Variants in FPR3 observed in about 807,000 individuals in gnomAD.
FPR3 encodes the protein formyl peptide receptor 3.
For synonymous variants in FPR3, 135 were observed against 163.6 expected (o/e 0.83, Z 1.34); for missense variants, 346 against 443.2 (o/e 0.78, Z 1.97).
Position 51,824,807 on chromosome 19 carries a change from G to A in FPR3, c.1059G>A (p.Met353Ile), listed in dbSNP as rs2084220090. The A allele has an allele frequency of 2.5e-6, 4 of 1,603,962 alleles. No homozygotes were observed. In the East Asian group the frequency reaches 6.7e-5, roughly 27 times the overall value. ...CTGAGGAGACGGAGTTACAAGCAAT[G>A]TGAGGTCGGGGATATTTTTGGGCTC... ...SPPEETELQA[M>I] The change falls in exon 2 of 2, where the codon ATG becomes ATA. Residue 353 changes from methionine (M) to isoleucine (I), a missense_variant. Coordinates refer to ENST00000339223, the MANE Select transcript of FPR3 (RefSeq NM_002030.5). This position sits in a 1 kb window ranked among gnomAD's most constrained non-coding sequence, Gnocchi z 4.7.
chr19:51,815,040 C>T (rs2084125164), intron 1 of FPR3, among the ~76,000 whole-genome samples: 1 of 149,636 alleles, frequency 6.7e-6, no homozygotes. Flanking sequence ...GAACTCCCGA[C>T]CTCAAATGAT....
chr19:51,821,503 T>C (rs2084189382), intron 1 of FPR3, among the ~76,000 whole-genome samples: 1 of 152,118 alleles, frequency 6.6e-6, no homozygotes, highest in African/African-American at 2.4e-5. Flanking sequence ...GCCCCAATTG[T>C]CTGTAGTGCC....
chr19:51,802,329 G>C (rs1254797057), intron 1 of FPR3, among the ~76,000 whole-genome samples: 1 of 152,174 alleles, frequency 6.6e-6, no homozygotes, highest in East Asian at 1.9e-4. Flanking sequence ...ACCTCCTGCA[G>C]AGGTAGAGGT....
At chr19:51,815,694 C>A (rs2084130302) in intron 1 of FPR3, among the ~76,000 whole-genome samples, 1 of 151,240 alleles carries the variant, frequency 6.6e-6, no homozygotes, top group Non-Finnish European at 1.5e-5. Flanking sequence ...CATGGCGAAA[C>A]CCTGTTTGTA....
intron 1 of FPR3, among the ~76,000 whole-genome samples, chr19:51,808,242 T>C (rs8111509): frequency 0.25 from 37,865 of 152,086 alleles, 5,071 homozygotes; most frequent in South Asian, 0.39. Flanking sequence ...CTGCTGAAAA[T>C]CATTTAAAGT....
intron 1 of FPR3, among the ~76,000 whole-genome samples, chr19:51,805,530 A>G (rs1025894226): frequency 6.6e-6 from 1 of 152,224 alleles, no homozygotes; most frequent in Non-Finnish European, 1.5e-5. Flanking sequence ...GTTATATTCT[A>G]AGTTGGTTAC....
At chr19:51,797,284 G>A (rs10405737) in intron 1 of FPR3, among the ~76,000 whole-genome samples, 2,405 of 149,364 alleles carry the variant, frequency 0.016, 70 homozygotes, top group African/African-American at 0.055. Flanking sequence ...GGCGAAGAAG[G>A]AAAAGGAAGA....
At chr19:51,818,736 AC>A (rs2084164125) in intron 1 of FPR3, among the ~76,000 whole-genome samples, 1 of 152,230 alleles carries the variant, frequency 6.6e-6, no homozygotes, top group Non-Finnish European at 1.5e-5. Flanking sequence ...CAAGGAGTCC[AC>A]CATGGGTCCA....
chr19:51,804,762 C>G (rs939877583), intron 1 of FPR3: 6 of 152,076 alleles, frequency 3.9e-5, no homozygotes, highest in South Asian at 2.1e-4. Context: ...CCCTGGTGGA[C>G]TGAACAAAGG....
chr19:51,809,576 CT>C, intron 1 of FPR3, among the ~76,000 whole-genome samples: 1 of 152,182 alleles, frequency 6.6e-6, no homozygotes, highest in Non-Finnish European at 1.5e-5. Context: ...ATTGTCCCAG[CT>C]CAAAACCCAA....
At chr19:51,813,793 CAA>C (rs769578067) in intron 1 of FPR3, among the ~76,000 whole-genome samples, 5 of 152,180 alleles carry the variant, frequency 3.3e-5, no homozygotes, top group Admixed American at 6.5e-5. Flanking sequence ...CTCGGCCTCC[CAA>C]AGTGCTGGGA....
intron 1 of FPR3, among the ~76,000 whole-genome samples, chr19:51,815,866 AAAAAAG>A (rs1000508464): frequency 1.6e-4 from 24 of 147,734 alleles, no homozygotes; most frequent in Non-Finnish European, 2.9e-4. Context: ...TGTCTCAAAA[AAAAAAG>A]AAAAAAGAAA....
chr19:51,819,512 T>G (rs2084172308), intron 1 of FPR3, among the ~76,000 whole-genome samples: 1 of 152,086 alleles, frequency 6.6e-6, no homozygotes, highest in African/African-American at 2.4e-5. Flanking sequence ...AAAATGTGTT[T>G]GAAGTAGGAG....
At position 51,813,592 on chromosome 19, in the gene FPR3, G is replaced by A. The variant is rs550577402; in HGVS notation, c.-10-10147G>A. Among the ~76,000 whole-genome samples, 18 of 151,844 alleles carry A rather than the reference G, an allele frequency of 1.2e-4. No homozygotes were observed. The South Asian group carries it at 3.3e-3, about 28-fold the overall frequency. ...GTCACCTAGGCTGGAGTGCAGTGGC[G>A]TGATCTCGGCTCACTGCAAGCTCCA... is the stretch of plus-strand genomic sequence containing the variant. On this transcript the variant is annotated intron_variant, in intron 1 of 1. Transcript: ENST00000339223.
At chr19:51,806,795 G>A (rs2084061975) in intron 1 of FPR3, among the ~76,000 whole-genome samples, 1 of 152,204 alleles carries the variant, frequency 6.6e-6, no homozygotes, top group African/African-American at 2.4e-5. Context: ...CAGCATATGA[G>A]AATAAGTGAA....
intron 1 of FPR3, among the ~76,000 whole-genome samples, chr19:51,797,877 CTTTTTTTTTT>C (rs753127261): frequency 2.8e-5 from 2 of 71,518 alleles, no homozygotes; most frequent in African/African-American, 1.2e-4. Context: ...CATGTCTATT[CTTTTTTTTTT>C]TTTTTTTTTT....
chr19:51,799,133 G>C (rs1418147733), intron 1 of FPR3, among the ~76,000 whole-genome samples: 1 of 152,050 alleles, frequency 6.6e-6, no homozygotes, highest in Non-Finnish European at 1.5e-5. Flanking sequence ...TGAACTTGAA[G>C]TGCGCCACAC....
At chr19:51,806,433 T>A (rs568884546) in intron 1 of FPR3, among the ~76,000 whole-genome samples, 10 of 152,356 alleles carry the variant, frequency 6.6e-5, no homozygotes, top group African/African-American at 2.4e-4. Context: ...TGCCAATGTC[T>A]TTCTGCTGGA....
rs755324777 is a variant in FPR3 at position 51,824,366 on chromosome 19, C to T, written c.618C>T (p.Phe206=). 2 of 1,614,150 alleles carry T rather than the reference C, an allele frequency of 1.2e-6. No homozygotes were observed. Among genetic ancestry groups the T allele is most frequent in the Non-Finnish European group, 8.5e-7 (1 of 1,180,018 alleles). The change falls in exon 2 of 2, where the codon TTC becomes TTT. Residue 206 remains phenylalanine (F), a synonymous_variant. Transcript: ENST00000339223. This position sits in a 1 kb window ranked among gnomAD's most constrained non-coding sequence, Gnocchi z 4.7. ...TMAKVFLILH[F]IIGFSVPMSI... is the part of the protein sequence containing the mutation. ...CCAAGGTCTTTCTGATCCTCCACTT[C>T]ATTATTGGCTTCAGCGTGCCTATGT...
Sources: allele counts gnomAD v4.1 joint callset (sites outside exome capture counted in the v4.1 genomes callset), GRCh38; gene constraint gnomAD v4.1.1; non-coding constraint Gnocchi (gnomAD v3.1); transcripts MANE v1.5; gene names NCBI Gene and HGNC (gene_info 2026-07-23, HGNC 2026-07-21).